GAPDH: variants seen among roughly 807,000 people sequenced by gnomAD.
GAPDH encodes the protein glyceraldehyde-3-phosphate dehydrogenase, also known as OCAS, p38 component.
A neutral mutation model predicts 31.2 loss-of-function variants in GAPDH; 13 were observed. The ratio of observed to expected loss-of-function variants is 0.42; its 90% CI spans 0.27 to 0.66. GAPDH has a LOEUF of 0.66. GAPDH is among the 30% of genes least tolerant of loss of function. GAPDH has a pLI of 0.26. For missense variants in GAPDH, 300 were observed against 443.7 expected (o/e 0.68, Z 2.91); for synonymous variants, 211 against 166.9 (o/e 1.26, Z -2.04).
intron 2 of GAPDH, among the ~76,000 whole-genome samples, chr12:6,536,242 A>G (rs1946462114): frequency 6.6e-6 from 1 of 152,198 alleles, no homozygotes; most frequent in Non-Finnish European, 1.5e-5. Context: ...AGTGCCCCAC[A>G]TGGCCGCTTC....
At chr12:6,535,126 TC>T in intron 2 of GAPDH, 1 of 902,528 alleles carries the variant, frequency 1.1e-6, no homozygotes, top group Non-Finnish European at 1.5e-6. Flanking sequence ...CCGCCCGAGA[TC>T]CCGACCCGGA....
chr12:6,535,357 C>T (rs965130958), intron 2 of GAPDH: 34 of 991,824 alleles, frequency 3.4e-5, no homozygotes, highest in African/African-American at 5.2e-5. Context: ...CGGTGACTAA[C>T]CCTGCGCTCC....
intron 2 of GAPDH, 131 bp downstream of exon 2, chr12:6,534,992 G>A (rs984798303): frequency 6.4e-6 from 7 of 1,095,970 alleles, no homozygotes; most frequent in African/African-American, 4.8e-5. Context: ...AGAGCTCAAG[G>A]TCAGCGCTCG....
chr12:6,537,798 G>C lies in GAPDH; in HGVS notation c.740G>C (p.Cys247Ser). ...TANVSVVDLTCRLEKPAKYDD... is the reference protein window; with the variant it reads ...TANVSVVDLTSRLEKPAKYDD... Reference sequence around the variant, plus strand: ...AACGTGTCAGTGGTGGACCTGACCTGCCGTCTAGAAAAACCTGCCAAATAT... The same window carrying C: ...AACGTGTCAGTGGTGGACCTGACCTCCCGTCTAGAAAAACCTGCCAAATAT... Residue 247 changes from cysteine to serine, a missense_variant, in exon 8 of 9, where the codon TGC becomes TCC. By Grantham distance (112) the Cys-to-Ser change is moderately radical. Transcript: ENST00000229239. The surrounding 1 kb of genome is among the most constrained non-coding windows in gnomAD (Gnocchi z 4.9). 1.2e-6 allele frequency: 2 copies of C among 1,611,838 alleles called. No homozygotes were observed. The highest frequency in any genetic ancestry group is 1.7e-6 in the Non-Finnish European group (2 of 1,179,854).
intron 2 of GAPDH, among the ~76,000 whole-genome samples, chr12:6,535,715 C>T (rs904607377): frequency 6.6e-6 from 1 of 152,180 alleles, no homozygotes; most frequent in Non-Finnish European, 1.5e-5. Flanking sequence ...TAAATGTCAC[C>T]GGGAGGATTG....
At position 6,537,112 on chromosome 12, in the gene GAPDH, G is replaced by T. The variant is rs760591074; in HGVS notation, c.339G>T (p.Gln113His). ...CTTCTCTGCTGTAGGCTCATTTGCA[G>T]GGGGGAGCCAAAAGGGTCATCATCT... ...TTMEKAGAHL[Q>H]GGAKRVIISA... The change falls in exon 6 of 9, where the codon CAG becomes CAT. Residue 113 changes from glutamine (Q) to histidine (H), a missense_variant. By Grantham distance (24) the Gln-to-His change is conservative. Transcript: ENST00000229239. The surrounding 1 kb of genome is among the most constrained non-coding windows in gnomAD (Gnocchi z 4.9). The T allele has an allele frequency of 1.9e-6, 3 of 1,613,256 alleles. No homozygotes were observed. Among genetic ancestry groups the T allele is most frequent in the Non-Finnish European group, 2.5e-6 (3 of 1,179,526 alleles).
At chr12:6,536,254 C>T (rs1362240527) in intron 2 of GAPDH, among the ~76,000 whole-genome samples, 2 of 152,206 alleles carry the variant, frequency 1.3e-5, no homozygotes, top group Non-Finnish European at 2.9e-5. Context: ...GGCCGCTTCT[C>T]CTGGAAGGGC....
At chr12:6,535,011 G>A in intron 2 of GAPDH, 150 bp downstream of exon 2, 2 of 961,570 alleles carry the variant, frequency 2.1e-6, no homozygotes, top group Non-Finnish European at 3.1e-6. Flanking sequence ...CGGACCTGGC[G>A]GAGCCCCGCA....
intron 2 of GAPDH, chr12:6,535,092 C>G (rs951938047): frequency 1.7e-5 from 13 of 762,550 alleles, no homozygotes; most frequent in Non-Finnish European, 2.5e-5. Flanking sequence ...TCCCCTAGTC[C>G]CCAGAAACAG....
At chr12:6,534,946 A>G in intron 2 of GAPDH, 85 bp downstream of exon 2, 1 of 1,429,568 alleles carries the variant, frequency 7.0e-7, no homozygotes, top group South Asian at 1.2e-5. Flanking sequence ...GGGTCTTTGC[A>G]GTCGTATGGG....
Position 6,534,740 on chromosome 12 carries a change from G to T in GAPDH, c.-23-70G>T, listed in dbSNP as rs575095159. ...GCGGGCTGGGCATGGAGGCCTGGTGGGGGAGGGGAGGGGAGGCGTGTGTGT... is the reference window on the plus strand; with the variant it reads ...GCGGGCTGGGCATGGAGGCCTGGTGTGGGAGGGGAGGGGAGGCGTGTGTGT... On this transcript the variant is annotated intron_variant, in intron 1 of 8. Transcript: ENST00000229239. 5.3e-6 allele frequency: 7 copies of T among 1,327,846 alleles called. No homozygotes were observed. In the East Asian group the frequency reaches 1.6e-4, roughly 31 times the overall value. The allele number at this position is 1,327,846 out of a possible 1,614,324, so 82.3% of individuals were successfully genotyped here.
chr12:6,534,572 G>A lies in GAPDH; in HGVS notation c.-24+3G>A. 1 of 542,384 alleles carries A rather than the reference G, an allele frequency of 1.8e-6. No individual in the cohort carries two copies. The highest frequency in any genetic ancestry group is 3.3e-6 in the Non-Finnish European group (1 of 307,122). 33.6% of individuals were successfully genotyped at this position (542,384 alleles called of 1,614,324 possible). ...CGCATCTTCTTTTGCGTCGCCAGGT[G>A]AAGACGGGCGGAGAGAAACCCGGGA... On this transcript the variant is annotated splice_donor_region_variant and intron_variant, in intron 1 of 8. Coordinates refer to ENST00000229239, the MANE Select transcript of GAPDH (RefSeq NM_002046.7).
At position 6,534,985 on chromosome 12, in the gene GAPDH, G is replaced by C. The variant is rs1377771783; in HGVS notation, c.29+124G>C. 3.5e-6 allele frequency: 4 copies of C among 1,152,386 alleles called. No homozygotes were observed. In the African/African-American group the frequency reaches 4.7e-5, roughly 13 times the overall value. The allele number at this position is 1,152,386 out of a possible 1,614,324, so 71.4% of individuals were successfully genotyped here. A position where few individuals can be genotyped will look rare whatever the true frequency, so the allele number is the denominator to read the frequency against. ...AGGGTAGCTGTTCCCCGCAAGGAGA[G>C]CTCAAGGTCAGCGCTCGGACCTGGC... On this transcript the variant is annotated intron_variant, in intron 2 of 8. Transcript: ENST00000229239.
intron 2 of GAPDH, chr12:6,535,095 A>G: frequency 1.3e-6 from 1 of 767,132 alleles, no homozygotes; most frequent in Non-Finnish European, 1.9e-6. Context: ...CCTAGTCCCC[A>G]GAAACAGGAG....
At chr12:6,534,608 G>A in intron 1 of GAPDH, 39 bp downstream of exon 1, 1 of 579,932 alleles carries the variant, frequency 1.7e-6, no homozygotes, top group South Asian at 2.0e-5. Flanking sequence ...GGCTAGGGAC[G>A]GCCTGAAGGC....
chr12:6,536,894 T>TGG, intron 4 of GAPDH, 26 bp from the exon 5 acceptor site: 1 of 1,597,584 alleles, frequency 6.3e-7, no homozygotes, highest in Non-Finnish European at 8.6e-7. Flanking sequence ...TATGGTCCTG[T>TGG]CCCCATCTCC....
chr12:6,537,898 G>A lies in GAPDH; in HGVS notation c.840G>A (p.Gln280=). ...GCATCCTGGGCTACACTGAGCACCA[G>A]GTGGTCTCCTCTGACTTCAACAGCG... ...LKGILGYTEH[Q]VVSSDFNSDT... The change falls in exon 8 of 9, where the codon CAG becomes CAA. Residue 280 remains glutamine, a synonymous_variant. Coordinates refer to ENST00000229239, the MANE Select transcript of GAPDH (RefSeq NM_002046.7). This position sits in a 1 kb window ranked among gnomAD's most constrained non-coding sequence, Gnocchi z 4.9. 1 of 1,613,974 alleles carries A rather than the reference G, an allele frequency of 6.2e-7. No individual in the cohort carries two copies. Among genetic ancestry groups the A allele is most frequent in the South Asian group, 1.1e-5 (1 of 91,078 alleles).
At chr12:6,536,267 C>T (rs988776367) in intron 2 of GAPDH, among the ~76,000 whole-genome samples, 2 of 152,212 alleles carry the variant, frequency 1.3e-5, no homozygotes, top group Non-Finnish European at 2.9e-5. Flanking sequence ...GGAAGGGCTT[C>T]GTATGACTGG....
Position 6,538,081 on chromosome 12 carries a change from C to G in GAPDH, c.939-20C>G, listed in dbSNP as rs759458975. 3.1e-6 allele frequency: 5 copies of G among 1,598,758 alleles called. No individual in the cohort carries two copies. Among genetic ancestry groups the G allele is most frequent in the Admixed American group, 1.8e-5 (1 of 55,180 alleles). On this transcript the variant is annotated intron_variant, in intron 8 of 8. Coordinates refer to ENST00000229239, the MANE Select transcript of GAPDH (RefSeq NM_002046.7). ...GGCTGGCTCAGAAAAAGGGCCCTGA[C>G]AACTCTTTTCATCTTCTAGGTATGA... is the stretch of plus-strand genomic sequence containing the variant.
Sources: allele counts gnomAD v4.1 joint callset (sites outside exome capture counted in the v4.1 genomes callset), GRCh38; gene constraint gnomAD v4.1.1; non-coding constraint Gnocchi (gnomAD v3.1); transcripts MANE v1.5; gene names NCBI Gene and HGNC (gene_info 2026-07-23, HGNC 2026-07-21).